KIF6: variants seen among roughly 807,000 people sequenced by gnomAD.
KIF6 encodes kinesin family member 6.
KIF6 carries 106 observed loss-of-function variants against 112.7 expected under a neutral mutation model. The ratio of observed to expected loss-of-function variants is 0.94; its 90% CI spans 0.80 to 1.11. KIF6 has a LOEUF of 1.11. KIF6 is among the 50% of genes least tolerant of loss of function. The pLI, the probability that KIF6 is intolerant of heterozygous loss-of-function variation, is 0.00. For synonymous variants in KIF6, 339 were observed against 339.9 expected (o/e 1.00, Z 0.03); for missense variants, 929 against 964.0 (o/e 0.96, Z 0.48).
chr6:39,507,718 G>T (rs1381452259), intron 13 of KIF6, among the ~76,000 whole-genome samples: 4 of 91,670 alleles, frequency 4.4e-5, no homozygotes, highest in Non-Finnish European at 6.1e-5. Context: ...CTCCCTCCCT[G>T]CCTCCCTTCC....
intron 3 of KIF6, chr6:39,691,197 A>G (rs1215530127): frequency 1.3e-5 from 2 of 152,250 alleles, no homozygotes; most frequent in African/African-American, 4.8e-5. Flanking sequence ...ACAAAGCTCC[A>G]TGTAGTAAGG....
At chr6:39,705,125 A>G (rs1042939857) in intron 3 of KIF6, among the ~76,000 whole-genome samples, 4 of 152,196 alleles carry the variant, frequency 2.6e-5, no homozygotes, top group African/African-American at 9.6e-5. Context: ...ATCTGTCCCT[A>G]TCTGCATCAC....
At chr6:39,680,393 C>A (rs1787444155) in intron 3 of KIF6, among the ~76,000 whole-genome samples, 1 of 152,178 alleles carries the variant, frequency 6.6e-6, no homozygotes, top group Non-Finnish European at 1.5e-5. Flanking sequence ...TCCTGCTGTA[C>A]CCATCATAGC....
rs574729542 is a variant in KIF6 at position 39,360,481 on chromosome 6, G to A, written c.1996C>T (p.His666Tyr). The stretch of plus-strand genomic sequence containing the variant: ...GCTTTGTCCATGAGCAGCTGCAAGT[G>A]CTCGATCTCCACCTTCAGGGCTTTC... The part of the protein sequence containing the change: ...RLKALKVEIE[H>Y]LQLLMDKAKV... Residue 666 changes from histidine (H) to tyrosine (Y), a missense_variant, in exon 18 of 23, where the codon CAC (histidine) becomes TAC (tyrosine). This residue lies in a region of KIF6 where 241 missense variants were observed against 301.4 expected (regional missense o/e 0.80). Coordinates refer to ENST00000287152, the MANE Select transcript of KIF6 (RefSeq NM_145027.6). 6.8e-6 allele frequency: 11 copies of A among 1,613,738 alleles called. No individual in the cohort carries two copies. The highest frequency in any genetic ancestry group is 9.3e-6 in the Non-Finnish European group (11 of 1,179,880).
At chr6:39,549,087 C>A (rs892943591) in intron 10 of KIF6, among the ~76,000 whole-genome samples, 1 of 152,156 alleles carries the variant, frequency 6.6e-6, no homozygotes, top group Non-Finnish European at 1.5e-5. Context: ...CTCTGACAGC[C>A]TGTGTCCTGG....
intron 6 of KIF6, among the ~76,000 whole-genome samples, chr6:39,601,370 TCAGA>T (rs1350614962): frequency 2.0e-5 from 3 of 152,238 alleles, no homozygotes; most frequent in East Asian, 1.9e-4. Context: ...TCTCCATCTC[TCAGA>T]CAAAGTAGTA....
chr6:39,353,636 C>T (rs1417995619), intron 19 of KIF6: 1 of 154,918 alleles, frequency 6.5e-6, no homozygotes, highest in Non-Finnish European at 1.4e-5. Context: ...AAACACCAGG[C>T]TAGCCAAACA....
At chr6:39,718,737 GAAA>G (rs752779166) in intron 2 of KIF6, among the ~76,000 whole-genome samples, 2 of 86,182 alleles carry the variant, frequency 2.3e-5, no homozygotes, top group South Asian at 3.7e-4. Flanking sequence ...ACCTGTCTTA[GAAA>G]AAAAAAAAAA....
intron 2 of KIF6, among the ~76,000 whole-genome samples, chr6:39,717,087 G>A (rs1368812602): frequency 6.6e-6 from 1 of 152,078 alleles, no homozygotes; most frequent in East Asian, 1.9e-4. Context: ...CCCCCTTCCA[G>A]CCTGTTTTCC....
intron 3 of KIF6, among the ~76,000 whole-genome samples, chr6:39,660,570 C>T (rs1384526532): frequency 6.6e-6 from 1 of 152,140 alleles, no homozygotes; most frequent in African/African-American, 2.4e-5. Context: ...AGCAGAAATC[C>T]TCTACCTTTT....
chr6:39,345,209 A>C (rs1335116791), intron 21 of KIF6, among the ~76,000 whole-genome samples: 1 of 152,264 alleles, frequency 6.6e-6, no homozygotes, highest in Non-Finnish European at 1.5e-5. Flanking sequence ...TTCCCGCTGC[A>C]GGCCAGCCGG....
chr6:39,388,250 G>T (rs1191762201), intron 15 of KIF6, among the ~76,000 whole-genome samples: 2 of 151,674 alleles, frequency 1.3e-5, no homozygotes, highest in Non-Finnish European at 2.9e-5. Flanking sequence ...CTATTGGAAC[G>T]ACCAAGTTCC....
chr6:39,500,971 G>A (rs1776096940), intron 13 of KIF6, among the ~76,000 whole-genome samples: 1 of 152,170 alleles, frequency 6.6e-6, no homozygotes, highest in Non-Finnish European at 1.5e-5. Context: ...AGCAGCTGCA[G>A]TTTGCGGAAC....
At chr6:39,623,592 C>T (rs777607323) in intron 5 of KIF6, among the ~76,000 whole-genome samples, 2 of 152,138 alleles carry the variant, frequency 1.3e-5, no homozygotes, top group Non-Finnish European at 2.9e-5. Context: ...CTTCTTAGAT[C>T]GAGTTAGGTA....
At chr6:39,715,505 ATT>A (rs34333435) in intron 2 of KIF6, among the ~76,000 whole-genome samples, 2 of 138,272 alleles carry the variant, frequency 1.4e-5, no homozygotes, top group Non-Finnish European at 1.5e-5. Flanking sequence ...CACAGAATCT[ATT>A]TTTTTTTTTT....
At chr6:39,614,610 T>C (rs1469476724) in intron 5 of KIF6, among the ~76,000 whole-genome samples, 1 of 152,192 alleles carries the variant, frequency 6.6e-6, no homozygotes, top group Non-Finnish European at 1.5e-5. Context: ...ACTAATAATG[T>C]CCTCCTTTGC....
At chr6:39,414,709 T>C (rs570977216) in intron 15 of KIF6, among the ~76,000 whole-genome samples, 1 of 152,314 alleles carries the variant, frequency 6.6e-6, no homozygotes, top group South Asian at 2.1e-4. Context: ...GCATATCGTG[T>C]AGGATAAAGG....
At chr6:39,596,770 A>G (rs990885330) in intron 6 of KIF6, among the ~76,000 whole-genome samples, 1 of 152,210 alleles carries the variant, frequency 6.6e-6, no homozygotes, top group Non-Finnish European at 1.5e-5. Context: ...TAATAGTAGG[A>G]AAAGAAGAAA....
intron 3 of KIF6, among the ~76,000 whole-genome samples, chr6:39,648,219 CG>C (rs1481861534): frequency 2.9e-5 from 2 of 67,982 alleles, no homozygotes; most frequent in African/African-American, 1.0e-4. Flanking sequence ...AGACGGGGGG[CG>C]GGCGGGGGGG....
Sources: gnomAD v4.1 joint callset for allele counts (sites outside exome capture counted in the v4.1 genomes callset) on GRCh38, gnomAD v4.1.1 for gene constraint, gnomAD v4.1.1 regional missense constraint, MANE v1.5 for transcripts, NCBI Gene and HGNC (gene_info 2026-07-23, HGNC 2026-07-21) for gene names.